The following PPP2R3A variants were observed in gnomAD, a reference collection of about 807,000 sequenced individuals.
The protein encoded by PPP2R3A is serine/threonine-protein phosphatase 2A regulatory subunit B'' subunit alpha.
Under a neutral mutation model 106.9 loss-of-function variants are expected in PPP2R3A, and 80 were observed. The observed-to-expected ratio is 0.75, with a 90% CI of 0.62 to 0.90. PPP2R3A has a LOEUF of 0.90. PPP2R3A is among the 40% of genes least tolerant of loss of function. The pLI is 0.00. For synonymous variants in PPP2R3A, 483 were observed against 468.3 expected, an observed-to-expected ratio of 1.03 and a Z score of -0.41; for missense variants, 1,386 against 1,350.4, an observed-to-expected ratio of 1.03 and a Z score of -0.41.
intron 1 of PPP2R3A, among the ~76,000 whole-genome samples, chr3:135,984,892 G>A (rs191214727): frequency 1.5e-4 from 23 of 152,260 alleles, no homozygotes; most frequent in East Asian, 3.9e-4. Flanking sequence ...CACATCTTTC[G>A]TGGATGGTGC....
chr3:136,072,659 G>A (rs80302084), intron 6 of PPP2R3A, among the ~76,000 whole-genome samples: 7,374 of 152,166 alleles, frequency 0.048, 622 homozygotes, highest in African/African-American at 0.17. Flanking sequence ...TCTGAATATT[G>A]ACTATTCTGA....
intron 4 of PPP2R3A, among the ~76,000 whole-genome samples, chr3:136,044,500 G>A (rs931750155): frequency 1.4e-5 from 2 of 141,848 alleles, no homozygotes; most frequent in African/African-American, 5.3e-5. Flanking sequence ...GAGCCTAGGA[G>A]TTTGAGGCTG....
At chr3:136,139,466 G>C (rs190437726) in intron 13 of PPP2R3A, among the ~76,000 whole-genome samples, 5 of 151,960 alleles carry the variant, frequency 3.3e-5, no homozygotes, top group African/African-American at 4.8e-5. Flanking sequence ...GAGGCCGAGG[G>C]GGGGGATCAT....
intron 8 of PPP2R3A, among the ~76,000 whole-genome samples, chr3:136,085,713 G>C (rs1279111900): frequency 6.6e-6 from 1 of 152,152 alleles, no homozygotes; most frequent in African/African-American, 2.4e-5. Flanking sequence ...AGATATAGCA[G>C]AGTATGAATC....
chr3:136,070,523 C>G lies in PPP2R3A; in HGVS notation c.2515C>G (p.Pro839Ala). Residue 839 changes from proline to alanine, a missense_variant, in exon 6 of 14, where the codon CCA becomes GCA. Pro to Ala is a conservative substitution (Grantham distance 27). Transcript: ENST00000264977. Reference sequence around the variant, plus strand: ...TGGTCTCACGTTCCTGAAAGATGCTCCAGAATTCCACTCCCGCTACATCAC... The same window carrying G: ...TGGTCTCACGTTCCTGAAAGATGCTGCAGAATTCCACTCCCGCTACATCAC... Reference protein sequence around the residue: ...HPGLTFLKDAPEFHSRYITTV... With the variant: ...HPGLTFLKDAAEFHSRYITTV... 6.2e-7 allele frequency: 1 copy of G among 1,611,272 alleles called. No individual in the cohort carries two copies. The highest frequency in any genetic ancestry group is 1.1e-5 in the South Asian group (1 of 90,718).
At chr3:136,079,048 G>C (rs1426000566) in intron 7 of PPP2R3A, 1 of 332,326 alleles carries the variant, frequency 3.0e-6, no homozygotes, top group African/African-American at 2.1e-5. Context: ...ACACTTGGAA[G>C]AAAATGAAAT....
At chr3:136,107,529 G>A (rs1037416374) in intron 13 of PPP2R3A, among the ~76,000 whole-genome samples, 4 of 147,818 alleles carry the variant, frequency 2.7e-5, no homozygotes, top group Admixed American at 6.9e-5. Flanking sequence ...TAGAGGAAGA[G>A]CAGGTCTAGA....
intron 9 of PPP2R3A, among the ~76,000 whole-genome samples, chr3:136,088,702 C>A (rs976385193): frequency 1.3e-5 from 2 of 152,200 alleles, no homozygotes; most frequent in Admixed American, 1.3e-4. Flanking sequence ...CATTTACATT[C>A]CCACTAACAG....
intron 10 of PPP2R3A, among the ~76,000 whole-genome samples, chr3:136,095,745 C>A (rs1057199129): frequency 1.3e-5 from 2 of 152,070 alleles, no homozygotes; most frequent in Admixed American, 6.6e-5. Flanking sequence ...CCCATTGATA[C>A]TTGTTTCCTT....
chr3:135,982,645 CTG>C lies in PPP2R3A; in HGVS notation c.-441+16799_-441+16800del, dbSNP rs540372059. Among the ~76,000 whole-genome samples, 227 of 152,310 alleles carry C rather than the reference CTG, an allele frequency of 1.5e-3. 1 individual carries two copies. The Middle Eastern group carries it at 0.027, about 18-fold the overall frequency. On this transcript the variant is annotated intron_variant, in intron 1 of 13. Transcript: ENST00000264977. ...CCCTCCCACTCTCAAATTCCTGACT[CTG>C]TGGTCAACCTCTGTACCCCTTCTGG...
chr3:136,023,294 AG>A, intron 2 of PPP2R3A: 1 of 1,102,648 alleles, frequency 9.1e-7, no homozygotes, highest in Admixed American at 2.5e-5. Context: ...CTAACTCACA[AG>A]TAATTTTACA....
chr3:136,131,384 C>T, intron 13 of PPP2R3A, among the ~76,000 whole-genome samples: 1 of 152,118 alleles, frequency 6.6e-6, no homozygotes, highest in Non-Finnish European at 1.5e-5. Flanking sequence ...AAAGAAGACA[C>T]CTATGCAGCC....
chr3:136,132,604 A>G (rs921317060), intron 13 of PPP2R3A, among the ~76,000 whole-genome samples: 2 of 151,930 alleles, frequency 1.3e-5, no homozygotes, highest in Non-Finnish European at 2.9e-5. Flanking sequence ...TAAAAAAACA[A>G]TGCTGAGAGA....
chr3:135,966,200 C>T (rs1227959252), intron 1 of PPP2R3A, among the ~76,000 whole-genome samples: 1 of 152,174 alleles, frequency 6.6e-6, no homozygotes, highest in Non-Finnish European at 1.5e-5. Flanking sequence ...CCAGTTCGCC[C>T]GCACAGCCCT....
chr3:136,100,257 T>C (rs964716952), intron 10 of PPP2R3A, among the ~76,000 whole-genome samples: 1 of 152,028 alleles, frequency 6.6e-6, no homozygotes, highest in African/African-American at 2.4e-5. Flanking sequence ...CAACTAAAAT[T>C]CCAGCACTTT....
At chr3:136,089,515 T>C (rs1245245808) in intron 9 of PPP2R3A, among the ~76,000 whole-genome samples, 1 of 152,128 alleles carries the variant, frequency 6.6e-6, no homozygotes, top group African/African-American at 2.4e-5. Context: ...TCAGGTACTA[T>C]GATACCTCTC....
chr3:136,124,268 T>C (rs905049571), intron 13 of PPP2R3A, among the ~76,000 whole-genome samples: 1 of 152,098 alleles, frequency 6.6e-6, no homozygotes, highest in East Asian at 1.9e-4. Flanking sequence ...GTTGGGAAGA[T>C]TGCGTGGGGC....
chr3:136,000,674 A>G (rs1933589188), intron 1 of PPP2R3A, among the ~76,000 whole-genome samples: 1 of 152,130 alleles, frequency 6.6e-6, no homozygotes, highest in African/African-American at 2.4e-5. Flanking sequence ...ATGGATTGGA[A>G]CAGGTGTTGA....
chr3:136,067,519 C>T (rs1183699027), intron 5 of PPP2R3A, among the ~76,000 whole-genome samples: 2 of 152,124 alleles, frequency 1.3e-5, no homozygotes, highest in Non-Finnish European at 1.5e-5. Context: ...GAGACAGAGC[C>T]TAAGGGTCTA....
Sources: allele counts gnomAD v4.1 joint callset (sites outside exome capture counted in the v4.1 genomes callset), GRCh38; gene constraint gnomAD v4.1.1; transcripts MANE v1.5; gene names NCBI Gene and HGNC (gene_info 2026-07-23, HGNC 2026-07-21).